MFNG: variants seen among roughly 807,000 people sequenced by gnomAD.
MFNG encodes MFNG O-fucosylpeptide 3-beta-N-acetylglucosaminyltransferase, also known as beta-1,3-N-acetylglucosaminyltransferase manic fringe.
In MFNG, 24 loss-of-function variants were observed where a neutral mutation model predicts 34.2. That is an observed-to-expected ratio of 0.70 (90% confidence interval 0.51 to 0.99). The LOEUF (loss-of-function observed/expected upper bound fraction) is 0.99. Ranked by LOEUF, MFNG falls within the 50% of genes least tolerant of loss-of-function variation. The probability of loss-of-function intolerance (pLI) is 0.00; values close to 1 mark genes in which losing one functional copy is unlikely to be tolerated. For synonymous variants in MFNG, 158 were observed against 179.2 expected, an observed-to-expected ratio of 0.88 and a Z score of 0.94; for missense variants, 383 against 424.0, an observed-to-expected ratio of 0.90 and a Z score of 0.85.
At chr22:37,484,546 G>C (rs1042922851) in intron 1 of MFNG, 1 of 152,258 alleles carries the variant, frequency 6.6e-6, no homozygotes, top group African/African-American at 2.4e-5. Flanking sequence ...GTGACACCAC[G>C]CCAGCCAGCA....
At chr22:37,479,577 A>G (rs1922198040) in intron 3 of MFNG, 79 bp from the exon 4 acceptor site, 1 of 1,563,530 alleles carries the variant, frequency 6.4e-7, no homozygotes, top group East Asian at 2.3e-5. Flanking sequence ...ACAGTCGGTC[A>G]ACAGTGACGG....
At position 37,483,705 on chromosome 22, in the gene MFNG, G is replaced by A. The variant is rs189360377; in HGVS notation, c.255+2218C>T. On this transcript the variant is annotated intron_variant, in intron 1 of 7. Coordinates refer to ENST00000356998, the MANE Select transcript of MFNG (RefSeq NM_002405.4). The surrounding 1 kb of genome is among the most constrained non-coding windows in gnomAD (Gnocchi z 4.5). ...TGAGGATCACTTGAAACCAGGAGGC[G>A]GAGGTTGCAGTGAGCCAGGATCGTG... Among the ~76,000 whole-genome samples, 37 of 152,160 alleles carry A rather than the reference G, an allele frequency of 2.4e-4. No individual in the cohort carries two copies. Among genetic ancestry groups the A allele is most frequent in the African/African-American group, 7.7e-4 (32 of 41,476 alleles).
At chr22:37,479,313 C>A in intron 4 of MFNG, 32 bp downstream of exon 4, 1 of 1,526,442 alleles carries the variant, frequency 6.6e-7, no homozygotes, top group South Asian at 1.3e-5. Context: ...GATCAGCGGG[C>A]CAAGGGGCAA....
At chr22:37,477,783 T>A (rs1922108547) in intron 4 of MFNG, among the ~76,000 whole-genome samples, 1 of 152,196 alleles carries the variant, frequency 6.6e-6, no homozygotes, top group Non-Finnish European at 1.5e-5. Context: ...GTTGACTTCG[T>A]GCCAGGTCTC....
chr22:37,474,549 G>T lies in MFNG; in HGVS notation c.776C>A (p.Thr259Asn). 1 of 1,614,138 alleles carries T rather than the reference G, an allele frequency of 6.2e-7. No homozygotes were observed. The highest frequency in any genetic ancestry group is 2.2e-5 in the East Asian group (1 of 44,870). ...CTGTGCAGTCCTCAGCAGCTGCAGG[G>T]TCTCCAGGTGGGAGTGAAAGAGGGG... ...PSPLFHSHLE[T>N]LQLLRTAQLP... The change falls in exon 6 of 8, where the codon ACC becomes AAC. Residue 259 changes from threonine (T) to asparagine (N), a missense_variant. Coordinates refer to ENST00000356998, the MANE Select transcript of MFNG (RefSeq NM_002405.4).
intron 7 of MFNG, 139 bp from the exon 8 acceptor site, chr22:37,470,168 G>C (rs1413250320): frequency 1.6e-6 from 1 of 640,548 alleles, no homozygotes; most frequent in East Asian, 2.8e-5. Flanking sequence ...TAGGGCCAGA[G>C]AATTCTTTGT....
chr22:37,479,479 C>T lies in MFNG; in HGVS notation c.427G>A (p.Asp143Asn), dbSNP rs778477744. The change falls in exon 4 of 8, where the codon GAT (aspartate) becomes AAT (asparagine). Residue 143 changes from aspartate to asparagine, a missense_variant. By Grantham distance (23) the Asp-to-Asn change is conservative. Transcript: ENST00000356998. Reference protein sequence around the residue: ...SGLRWFCHVDDDNYVNPRALL... With the variant: ...SGLRWFCHVDNDNYVNPRALL... Reference sequence around the variant, plus strand: ...GCCCTTGGGTTCACATAGTTGTCATCGTCCACATGGCAGAACCACCTGTAG... The same window carrying T: ...GCCCTTGGGTTCACATAGTTGTCATTGTCCACATGGCAGAACCACCTGTAG... 1.5e-5 allele frequency: 24 copies of T among 1,610,754 alleles called. No individual in the cohort carries two copies. In the Middle Eastern group the frequency reaches 6.6e-4, roughly 44 times the overall value.
chr22:37,472,401 G>GC, intron 7 of MFNG, 42 bp downstream of exon 7: 2 of 1,463,106 alleles, frequency 1.4e-6, no homozygotes, highest in African/African-American at 1.5e-5. Context: ...CCTGGACTCA[G>GC]CCCCCACTCC....
chr22:37,480,968 G>A (rs543790538), intron 1 of MFNG, 199 bp from the exon 2 acceptor site: 13 of 603,088 alleles, frequency 2.2e-5, no homozygotes, highest in East Asian at 1.4e-4. Flanking sequence ...ACTTCAGGGT[G>A]TACACAGCCC....
Position 37,483,274 on chromosome 22 carries a change from G to C in MFNG, c.256-2505C>G, listed in dbSNP as rs889890274. ...CGGCCACCTAGTCCCCGCCACTGTC[G>C]TCACCTGCTGCCTGCTTTGCTGCAG... On this transcript the variant is annotated intron_variant, in intron 1 of 7. Transcript: ENST00000356998. This position sits in a 1 kb window ranked among gnomAD's most constrained non-coding sequence, Gnocchi z 4.5. Among the ~76,000 whole-genome samples the C allele has an allele frequency of 6.6e-6, 1 of 152,048 alleles. No homozygotes were observed. Among genetic ancestry groups the C allele is most frequent in the African/African-American group, 2.4e-5 (1 of 41,386 alleles).
chr22:37,470,369 T>G (rs1921753534), intron 7 of MFNG, among the ~76,000 whole-genome samples: 1 of 152,128 alleles, frequency 6.6e-6, no homozygotes, highest in South Asian at 2.1e-4. Context: ...AGAGAAGCCA[T>G]AAAGAGACCT....
intron 6 of MFNG, 148 bp downstream of exon 6, chr22:37,474,364 G>A (rs1921943453): frequency 1.1e-6 from 1 of 904,950 alleles, no homozygotes; most frequent in Non-Finnish European, 1.7e-6. Context: ...GCCACCCTAG[G>A]CCTCAGTTTC....
At position 37,486,337 on chromosome 22, in the gene MFNG, C is replaced by T; in HGVS notation, c.-160G>A. The T allele has an allele frequency of 1.4e-6, 1 of 727,664 alleles. No homozygotes were observed. Among genetic ancestry groups the T allele is most frequent in the Non-Finnish European group, 2.0e-6 (1 of 498,782 alleles). The allele number at this position is 727,664 out of a possible 1,614,324, so 45.1% of individuals were successfully genotyped here. A position where few individuals can be genotyped will look rare whatever the true frequency, so the allele number is the denominator to read the frequency against. ...GGAGCTGAGGCTCTGGACCCAGAGG[C>T]TGAGCCATGGCAGCACGATCTCGAC... is the stretch of plus-strand genomic sequence containing the variant. On this transcript the variant is annotated 5_prime_UTR_variant, in exon 1 of 8. Coordinates refer to ENST00000356998, the MANE Select transcript of MFNG (RefSeq NM_002405.4).
intron 6 of MFNG, among the ~76,000 whole-genome samples, 188 bp downstream of exon 6, chr22:37,474,324 G>C (rs1279096365): frequency 6.6e-6 from 1 of 152,202 alleles, no homozygotes; most frequent in African/African-American, 2.4e-5. Flanking sequence ...TGAAGGGGTT[G>C]AGTCCCTGTG....
chr22:37,473,353 C>T (rs934443307), intron 6 of MFNG, among the ~76,000 whole-genome samples: 1 of 151,830 alleles, frequency 6.6e-6, no homozygotes, highest in Non-Finnish European at 1.5e-5. Flanking sequence ...CACTTGAACC[C>T]GGGAGGTGGA....
intron 1 of MFNG, chr22:37,480,986 A>G (rs925310618): frequency 3.4e-6 from 2 of 585,216 alleles, no homozygotes; most frequent in Non-Finnish European, 6.1e-6. Flanking sequence ...CCCACAGTCT[A>G]AACACATACA....
At chr22:37,471,351 C>T (rs2145724957) in intron 7 of MFNG, among the ~76,000 whole-genome samples, 1 of 152,338 alleles carries the variant, frequency 6.6e-6, no homozygotes, top group Admixed American at 6.5e-5. Flanking sequence ...ATGGAACAGA[C>T]TGCCACAGGA....
chr22:37,482,557 C>T lies in MFNG; in HGVS notation c.256-1788G>A, dbSNP rs972322091. Among the ~76,000 whole-genome samples, 2 of 152,160 alleles carry T rather than the reference C, an allele frequency of 1.3e-5. No homozygotes were observed. Among genetic ancestry groups the T allele is most frequent in the Admixed American group, 6.5e-5 (1 of 15,278 alleles). On this transcript the variant is annotated intron_variant, in intron 1 of 7. Transcript: ENST00000356998. The surrounding 1 kb of genome is among the most constrained non-coding windows in gnomAD (Gnocchi z 4.1). ...CTCTAGCTCCCAGCTCAGGCATCAC[C>T]TTCCCCAGGAAGCCTTCCCTGACAC... is the stretch of plus-strand genomic sequence containing the variant.
chr22:37,474,910 A>T (rs1403143247), intron 5 of MFNG, among the ~76,000 whole-genome samples: 1 of 152,236 alleles, frequency 6.6e-6, no homozygotes, highest in Non-Finnish European at 1.5e-5. Context: ...CGTGAGGATT[A>T]AACAGGGAAT....
Sources: allele counts gnomAD v4.1 joint callset (sites outside exome capture counted in the v4.1 genomes callset), GRCh38; gene constraint gnomAD v4.1.1; non-coding constraint Gnocchi (gnomAD v3.1); transcripts MANE v1.5; gene names NCBI Gene and HGNC (gene_info 2026-07-23, HGNC 2026-07-21).